The following FRMD3 variants were observed in gnomAD, a reference collection of about 807,000 sequenced individuals.
FRMD3 encodes the protein FERM domain containing 3.
A neutral mutation model predicts 70.2 loss-of-function variants in FRMD3; 33 were observed. The observed-to-expected ratio is 0.47, with a 90% confidence interval of 0.36 to 0.63. The LOEUF (loss-of-function observed/expected upper bound fraction) is 0.63. Among genes scored for constraint, FRMD3 ranks in the 20% least tolerant of loss-of-function variants. The pLI is 0.00. For missense variants in FRMD3, 632 were observed against 711.4 expected (o/e 0.89, Z 1.27); for synonymous variants, 279 against 255.9 (o/e 1.09, Z -0.86).
At chr9:83,570,773 T>C in the FRMD3 span, among the ~76,000 whole-genome samples, 2 of 152,146 alleles carry the variant, frequency 1.3e-5, no homozygotes, top group Non-Finnish European at 2.9e-5. Flanking sequence ...TGAGAACACA[T>C]GAAGAGAGGC....
the FRMD3 span, among the ~76,000 whole-genome samples, chr9:83,582,948 C>T: frequency 6.6e-6 from 1 of 152,266 alleles, no homozygotes; most frequent in South Asian, 2.1e-4. Flanking sequence ...AGCCTATAGC[C>T]TCTTGAACAT....
chr9:83,583,882 A>C, the FRMD3 span, among the ~76,000 whole-genome samples: 1 of 152,128 alleles, frequency 6.6e-6, no homozygotes. Context: ...AATTACAAAC[A>C]TGAGCCACTG....
chr9:83,558,261 C>CAT, the FRMD3 span, among the ~76,000 whole-genome samples: 3 of 151,242 alleles, frequency 2.0e-5, no homozygotes, highest in South Asian at 4.2e-4. Context: ...AACGCATGCA[C>CAT]GTGTGTGTGT....
At chr9:83,409,067 T>C (rs747184632) in intron 1 of FRMD3, among the ~76,000 whole-genome samples, 23 of 152,170 alleles carry the variant, frequency 1.5e-4, no homozygotes, top group Non-Finnish European at 3.1e-4. Context: ...ATCAGTTCCA[T>C]GCAGGTCAGC....
At chr9:83,372,822 A>T (rs1587786572) in intron 3 of FRMD3, 91 bp downstream of exon 3, 3 of 1,178,970 alleles carry the variant, frequency 2.5e-6, no homozygotes, top group Non-Finnish European at 1.3e-6. Flanking sequence ...CTTCAACTCT[A>T]TTATTCCCCT....
intron 3 of FRMD3, among the ~76,000 whole-genome samples, chr9:83,371,606 C>T (rs1185698585): frequency 6.6e-6 from 1 of 152,182 alleles, no homozygotes; most frequent in East Asian, 1.9e-4. Flanking sequence ...GTGAGCCTGG[C>T]CCGTCCTATT....
At chr9:83,489,188 T>G (rs1828758678) in intron 1 of FRMD3, among the ~76,000 whole-genome samples, 1 of 152,164 alleles carries the variant, frequency 6.6e-6, no homozygotes, top group South Asian at 2.1e-4. Context: ...GACATCAGCC[T>G]TGGTAAACAT....
intron 13 of FRMD3, among the ~76,000 whole-genome samples, chr9:83,289,572 T>C (rs1033458615): frequency 1.3e-5 from 2 of 152,224 alleles, no homozygotes; most frequent in African/African-American, 2.4e-5. Flanking sequence ...TTCCAAGCCA[T>C]ATCCTTATTA....
intron 1 of FRMD3, among the ~76,000 whole-genome samples, chr9:83,404,190 C>T (rs541626396): frequency 1.3e-5 from 2 of 152,196 alleles, no homozygotes; most frequent in South Asian, 2.1e-4. Flanking sequence ...TTTCTTCAAG[C>T]GATTAGTCAC....
At chr9:83,292,658 A>AT (rs1392748099) in intron 12 of FRMD3, among the ~76,000 whole-genome samples, 2 of 150,004 alleles carry the variant, frequency 1.3e-5, no homozygotes, top group Non-Finnish European at 3.0e-5. Context: ...TTTATTTTTT[A>AT]TTTTTTTGAG....
intron 1 of FRMD3, among the ~76,000 whole-genome samples, chr9:83,411,025 T>C (rs113194885): frequency 2.0e-5 from 3 of 152,042 alleles, no homozygotes; most frequent in African/African-American, 4.8e-5. Context: ...AATGACAGAG[T>C]TCCTTCCCAG....
intron 6 of FRMD3, among the ~76,000 whole-genome samples, chr9:83,319,044 T>C (rs546538577): frequency 3.9e-5 from 6 of 152,166 alleles, no homozygotes; most frequent in Admixed American, 2.0e-4. Context: ...TTCCAGATAT[T>C]AGCCCTTTGT....
intron 5 of FRMD3, among the ~76,000 whole-genome samples, chr9:83,340,361 C>T (rs1485381823): frequency 6.6e-6 from 1 of 152,168 alleles, no homozygotes; most frequent in South Asian, 2.1e-4. Flanking sequence ...AGAGGAAATG[C>T]ACAATAAGCC....
chr9:83,491,119 C>T (rs901408116), intron 1 of FRMD3, among the ~76,000 whole-genome samples: 5 of 152,110 alleles, frequency 3.3e-5, no homozygotes, highest in African/African-American at 9.7e-5. Context: ...CCATAAAAAT[C>T]TCTTTTTCTG....
intron 13 of FRMD3, among the ~76,000 whole-genome samples, chr9:83,264,813 G>C (rs1230293308): frequency 6.6e-6 from 1 of 150,510 alleles, no homozygotes; most frequent in Non-Finnish European, 1.5e-5. Context: ...ATTGTGGGGG[G>C]AGGGGGGAAG....
intron 1 of FRMD3, among the ~76,000 whole-genome samples, chr9:83,512,567 T>G (rs1234475234): frequency 6.6e-6 from 1 of 152,176 alleles, no homozygotes; most frequent in Non-Finnish European, 1.5e-5. Context: ...TCTGCGGAAA[T>G]GACCGTAGGG....
At chr9:83,309,509 A>G (rs1835270047) in intron 10 of FRMD3, 27 bp downstream of exon 10, 5 of 1,383,116 alleles carry the variant, frequency 3.6e-6, no homozygotes, top group African/African-American at 1.4e-5. Flanking sequence ...TTTAAAAGCT[A>G]TAATTAAATG....
chr9:83,547,695 G>A, the FRMD3 span, among the ~76,000 whole-genome samples: 2 of 152,060 alleles, frequency 1.3e-5, no homozygotes, highest in Non-Finnish European at 2.9e-5. Context: ...GGACCTAACA[G>A]ACATTTATAC....
At chr9:83,315,554 C>T (rs986275299) in intron 6 of FRMD3, among the ~76,000 whole-genome samples, 20 of 152,234 alleles carry the variant, frequency 1.3e-4, no homozygotes, top group Middle Eastern at 3.4e-3. Flanking sequence ...GTGTGTAGCA[C>T]CTCCCCCTGC....
Sources: gnomAD v4.1 joint callset for allele counts (sites outside exome capture counted in the v4.1 genomes callset) on GRCh38, gnomAD v4.1.1 for gene constraint, MANE v1.5 for transcripts, NCBI Gene and HGNC (gene_info 2026-07-23, HGNC 2026-07-21) for gene names.